CADM2: variants seen among roughly 807,000 people sequenced by gnomAD.
CADM2 encodes the protein immunoglobulin superfamily member 4D.
CADM2 carries 12 observed loss-of-function variants against 49.8 expected under a neutral mutation model. The observed-to-expected ratio is 0.24, with a 90% CI of 0.15 to 0.39. The LOEUF (loss-of-function observed/expected upper bound fraction) is 0.39. Among genes scored for constraint, CADM2 ranks in the 10% least tolerant of loss-of-function variants. The pLI is 1.00. For synonymous variants in CADM2, 214 were observed against 175.4 expected, an observed-to-expected ratio of 1.22 and a Z score of -1.74; for missense variants, 378 against 492.3, an observed-to-expected ratio of 0.77 and a Z score of 2.20.
chr3:85,428,078 T>G (rs994306447), intron 1 of CADM2, among the ~76,000 whole-genome samples: 1 of 151,768 alleles, frequency 6.6e-6, no homozygotes, highest in East Asian at 1.9e-4. Context: ...CTAAGTCATC[T>G]TGTCCAAAAT....
intron 7 of CADM2, among the ~76,000 whole-genome samples, chr3:85,944,404 G>T (rs924151506): frequency 1.3e-5 from 2 of 152,010 alleles, no homozygotes; most frequent in African/African-American, 4.8e-5. Flanking sequence ...ATTGAATTCA[G>T]CTCTGCACCA....
intron 1 of CADM2, among the ~76,000 whole-genome samples, chr3:85,712,121 C>G (rs2067137989): frequency 6.6e-6 from 1 of 152,160 alleles, no homozygotes; most frequent in African/African-American, 2.4e-5. Flanking sequence ...ACTATAATTT[C>G]AAATTATCTG....
chr3:85,014,977 A>G (rs2034188497), intron 1 of CADM2, among the ~76,000 whole-genome samples: 1 of 152,098 alleles, frequency 6.6e-6, no homozygotes, highest in African/African-American at 2.4e-5. Context: ...TCATCTTATA[A>G]TGAGAAAGAA....
chr3:85,518,384 T>C (rs2060952323), intron 1 of CADM2, among the ~76,000 whole-genome samples: 1 of 152,104 alleles, frequency 6.6e-6, no homozygotes, highest in African/African-American at 2.4e-5. Flanking sequence ...TCTTTAACAT[T>C]CATATTCTTA....
intron 1 of CADM2, among the ~76,000 whole-genome samples, chr3:85,236,704 C>A (rs1403434709): frequency 6.6e-6 from 1 of 152,022 alleles, no homozygotes; most frequent in Non-Finnish European, 1.5e-5. Flanking sequence ...GCCTTCTCTA[C>A]CAACCATCAT....
intron 1 of CADM2, among the ~76,000 whole-genome samples, chr3:85,107,973 A>C (rs150786907): frequency 0.014 from 2,099 of 152,168 alleles, 25 homozygotes; most frequent in Non-Finnish European, 0.023. Flanking sequence ...AAGTTCCTGG[A>C]TAACAGGTGT....
chr3:85,857,905 A>C (rs2075377014), intron 3 of CADM2, among the ~76,000 whole-genome samples: 1 of 152,220 alleles, frequency 6.6e-6, no homozygotes. Context: ...CCAGAGCAAA[A>C]CAAAACAAAA....
At chr3:85,669,000 G>T (rs1418423595) in intron 1 of CADM2, among the ~76,000 whole-genome samples, 2 of 151,988 alleles carry the variant, frequency 1.3e-5, no homozygotes, top group Non-Finnish European at 2.9e-5. Flanking sequence ...TTTATTTTAA[G>T]AGCTGAGATA....
intron 1 of CADM2, among the ~76,000 whole-genome samples, chr3:85,319,441 C>T (rs775595799): frequency 3.3e-5 from 5 of 152,140 alleles, no homozygotes; most frequent in East Asian, 1.9e-4. Flanking sequence ...TTCCATTACT[C>T]GGTGCATACC....
At chr3:85,982,465 G>A (rs1302468418) in intron 8 of CADM2, among the ~76,000 whole-genome samples, 2 of 151,380 alleles carry the variant, frequency 1.3e-5, no homozygotes, top group Admixed American at 1.3e-4. Context: ...TGTAAGCTGG[G>A]AAGTTCATAT....
intron 1 of CADM2, among the ~76,000 whole-genome samples, chr3:84,995,794 T>G (rs1452592829): frequency 6.6e-6 from 1 of 152,194 alleles, no homozygotes; most frequent in Non-Finnish European, 1.5e-5. Flanking sequence ...CTTTTTAGCT[T>G]GTTGTTTCCA....
chr3:85,020,608 C>G (rs2034455681), intron 1 of CADM2, among the ~76,000 whole-genome samples: 1 of 152,050 alleles, frequency 6.6e-6, no homozygotes, highest in Non-Finnish European at 1.5e-5. Flanking sequence ...GCAAAACATC[C>G]TTTATTTAAC....
At chr3:85,659,698 C>T (rs187165931) in intron 1 of CADM2, among the ~76,000 whole-genome samples, 205 of 152,254 alleles carry the variant, frequency 1.3e-3, no homozygotes, top group Non-Finnish European at 2.0e-3. Context: ...CTCTCAGAAG[C>T]ATTGTCCAGG....
Position 85,990,042 on chromosome 3 carries a change from A to AAAAAAAAAG in CADM2, c.970+28397_970+28398insAAAAAAGAA, listed in dbSNP as rs1436572625. ...AAAAAAAAAAAAAAAAAAAAAAAAAAAAGAAGACTAATAATGGAGTTAGAA... is the reference window on the plus strand; with the variant it reads ...AAAAAAAAAAAAAAAAAAAAAAAAAAAAAAAAAAGAAGAAGACTAATAATGGAGTTAGAA... On this transcript the variant is annotated intron_variant, in intron 8 of 9. Coordinates refer to ENST00000383699, the MANE Select transcript of CADM2 (RefSeq NM_001167675.2). Among the ~76,000 whole-genome samples, 85 of 108,006 alleles carry AAAAAAAAAG rather than the reference A, an allele frequency of 7.9e-4. 1 individual carries two copies. Among genetic ancestry groups the AAAAAAAAAG allele is most frequent in the East Asian group, 1.3e-3 (4 of 3,042 alleles). The allele number at this position is 108,006 out of a possible 152,430, so 70.9% of individuals were successfully genotyped here. A position where few individuals can be genotyped will look rare whatever the true frequency, so the allele number is the denominator to read the frequency against.
chr3:85,388,746 A>G (rs1395110226), intron 1 of CADM2, among the ~76,000 whole-genome samples: 1 of 152,080 alleles, frequency 6.6e-6, no homozygotes. Context: ...GAGAACCATC[A>G]ATTAAAACAA....
At chr3:85,587,619 G>C (rs1482733697) in intron 1 of CADM2, among the ~76,000 whole-genome samples, 1 of 151,978 alleles carries the variant, frequency 6.6e-6, no homozygotes, top group African/African-American at 2.4e-5. Context: ...CCAAATGACT[G>C]TCCCTTTTCA....
intron 1 of CADM2, among the ~76,000 whole-genome samples, chr3:85,359,446 A>C (rs1369886929): frequency 6.6e-6 from 1 of 151,238 alleles, no homozygotes; most frequent in Non-Finnish European, 1.5e-5. Context: ...TCTGTTGGAA[A>C]TCAGGTATGG....
intron 2 of CADM2, among the ~76,000 whole-genome samples, chr3:85,784,604 A>G (rs529963154): frequency 1.3e-5 from 2 of 152,238 alleles, no homozygotes; most frequent in South Asian, 4.1e-4. Flanking sequence ...CACATCTGTT[A>G]AAGCATATGA....
intron 1 of CADM2, among the ~76,000 whole-genome samples, chr3:85,143,390 A>T (rs1171633505): frequency 6.6e-6 from 1 of 152,164 alleles, no homozygotes; most frequent in East Asian, 1.9e-4. Context: ...TGGGAGGTTG[A>T]GGTGGGAACA....
Sources: allele counts gnomAD v4.1 joint callset (sites outside exome capture counted in the v4.1 genomes callset), GRCh38; gene constraint gnomAD v4.1.1; transcripts MANE v1.5; gene names NCBI Gene and HGNC (gene_info 2026-07-23, HGNC 2026-07-21).